Variants in DDAH1 observed in about 807,000 individuals in gnomAD.
DDAH1 encodes the protein N(G),N(G)-dimethylarginine dimethylaminohydrolase 1.
In DDAH1, 19 loss-of-function variants were observed where a neutral mutation model predicts 28.8. That is an observed-to-expected ratio of 0.66 (90% CI 0.46 to 0.97). The LOEUF (loss-of-function observed/expected upper bound fraction) is 0.97. DDAH1 is among the 50% of genes least tolerant of loss of function. The probability of loss-of-function intolerance (pLI) is 0.00; values close to 1 mark genes in which losing one functional copy is unlikely to be tolerated. For missense variants in DDAH1, 326 were observed against 375.9 expected, an observed-to-expected ratio of 0.87 and a Z score of 1.10; for synonymous variants, 153 against 154.4, an observed-to-expected ratio of 0.99 and a Z score of 0.07.
chr1:85,514,478 A>G (rs1657374379), intron 1 of DDAH1, among the ~76,000 whole-genome samples: 1 of 150,638 alleles, frequency 6.6e-6, no homozygotes, highest in African/African-American at 2.4e-5. Context: ...ATGTATACCT[A>G]TGTATCAAAC....
intron 1 of DDAH1, among the ~76,000 whole-genome samples, chr1:85,512,594 G>A (rs1657286212): frequency 6.6e-6 from 1 of 152,172 alleles, no homozygotes. Context: ...TGTATATTTA[G>A]AAAACCCCAT....
At chr1:85,490,654 CA>C (rs1489483495) in intron 2 of DDAH1, among the ~76,000 whole-genome samples, 2 of 152,206 alleles carry the variant, frequency 1.3e-5, no homozygotes, top group African/African-American at 4.8e-5. Context: ...ATTTTTCAAC[CA>C]ACAGGGATGT....
intron 1 of DDAH1, among the ~76,000 whole-genome samples, chr1:85,405,957 C>T (rs779041623): frequency 8.5e-5 from 13 of 152,292 alleles, no homozygotes; most frequent in African/African-American, 1.7e-4. Flanking sequence ...TAAGAGCACA[C>T]GGATATTAGC....
intron 4 of DDAH1, among the ~76,000 whole-genome samples, chr1:85,347,561 A>G (rs1648938783): frequency 6.6e-6 from 1 of 152,178 alleles, no homozygotes; most frequent in Non-Finnish European, 1.5e-5. Flanking sequence ...GTGGGAATTG[A>G]ACAATGAGAA....
intron 1 of DDAH1, among the ~76,000 whole-genome samples, chr1:85,563,505 A>G (rs973618751): frequency 1.3e-5 from 2 of 152,188 alleles, no homozygotes; most frequent in Non-Finnish European, 2.9e-5. Flanking sequence ...TGGTCTCTAC[A>G]AAACTTAAAA....
At chr1:85,366,750 A>G (rs113769316) in intron 1 of DDAH1, among the ~76,000 whole-genome samples, 3 of 152,310 alleles carry the variant, frequency 2.0e-5, no homozygotes, top group African/African-American at 7.2e-5. Flanking sequence ...AGTGGATTAA[A>G]AAAACTCCAG....
chr1:85,391,555 C>T (rs1327478035), intron 1 of DDAH1, among the ~76,000 whole-genome samples: 2 of 152,180 alleles, frequency 1.3e-5, no homozygotes, highest in Non-Finnish European at 1.5e-5. Flanking sequence ...GCTCAACCAA[C>T]TAATACACAT....
intron 1 of DDAH1, among the ~76,000 whole-genome samples, chr1:85,571,588 T>C (rs115940663): frequency 0.012 from 1,871 of 152,348 alleles, 21 homozygotes; most frequent in Non-Finnish European, 0.018. Flanking sequence ...TATTCCTCTT[T>C]GCATTGCTGC....
intron 1 of DDAH1, among the ~76,000 whole-genome samples, chr1:85,417,048 C>G (rs1652918991): frequency 6.6e-6 from 1 of 152,138 alleles, no homozygotes; most frequent in African/African-American, 2.4e-5. Flanking sequence ...ATCATGAAGA[C>G]AACACTAGAT....
chr1:85,436,102 C>T (rs1007715543), intron 1 of DDAH1, among the ~76,000 whole-genome samples: 1 of 152,072 alleles, frequency 6.6e-6, no homozygotes, highest in South Asian at 2.1e-4. Context: ...CGCCCAGCCA[C>T]TTATATCTGT....
At chr1:85,447,215 T>C (rs1263225501) in intron 1 of DDAH1, among the ~76,000 whole-genome samples, 3 of 152,194 alleles carry the variant, frequency 2.0e-5, no homozygotes, top group Non-Finnish European at 4.4e-5. Context: ...CTACATCTGG[T>C]TGAACCAGAG....
intron 1 of DDAH1, among the ~76,000 whole-genome samples, chr1:85,499,340 TA>T (rs1448044683): frequency 1.3e-5 from 2 of 152,148 alleles, no homozygotes; most frequent in Non-Finnish European, 2.9e-5. Context: ...TAAGAAATAA[TA>T]AGTAGATAGC....
At chr1:85,332,509 C>T (rs1002861285) in intron 4 of DDAH1, among the ~76,000 whole-genome samples, 5 of 152,192 alleles carry the variant, frequency 3.3e-5, no homozygotes, top group African/African-American at 1.2e-4. Flanking sequence ...CTGAGCAAAC[C>T]GTCTGGGGCT....
At chr1:85,400,073 C>CA (rs1172819371) in intron 1 of DDAH1, 1 of 150,834 alleles carries the variant, frequency 6.6e-6, no homozygotes, top group East Asian at 1.9e-4. Context: ...AATTGTTTAG[C>CA]AAAAAAACCT....
intron 1 of DDAH1, among the ~76,000 whole-genome samples, chr1:85,551,885 A>G (rs1412539169): frequency 6.6e-6 from 1 of 152,202 alleles, no homozygotes; most frequent in East Asian, 1.9e-4. Context: ...GGGTTGGCAA[A>G]AAAGAGAGTT....
At chr1:85,569,683 G>A (rs1206064245) in intron 1 of DDAH1, among the ~76,000 whole-genome samples, 1 of 152,160 alleles carries the variant, frequency 6.6e-6, no homozygotes, top group Non-Finnish European at 1.5e-5. Flanking sequence ...AGCTATGCAC[G>A]CTGGCCCTTT....
intron 1 of DDAH1, among the ~76,000 whole-genome samples, chr1:85,520,400 C>T (rs1382509487): frequency 6.6e-6 from 1 of 152,144 alleles, no homozygotes; most frequent in Non-Finnish European, 1.5e-5. Context: ...GGAACTAGGG[C>T]AGACAGGGAA....
intron 1 of DDAH1, among the ~76,000 whole-genome samples, chr1:85,445,835 A>C (rs184890508): frequency 9.2e-5 from 14 of 152,244 alleles, no homozygotes; most frequent in African/African-American, 3.4e-4. Context: ...ACCTGGCCTC[A>C]AGCTATTCTC....
chr1:85,510,906 C>T (rs1449105520), intron 1 of DDAH1, among the ~76,000 whole-genome samples: 1 of 152,156 alleles, frequency 6.6e-6, no homozygotes, highest in Non-Finnish European at 1.5e-5. Context: ...TAATGGGAGA[C>T]CTTAACACCC....
Sources: allele counts gnomAD v4.1 joint callset (sites outside exome capture counted in the v4.1 genomes callset), GRCh38; gene constraint gnomAD v4.1.1; transcripts MANE v1.5; gene names NCBI Gene and HGNC (gene_info 2026-07-23, HGNC 2026-07-21).